Variants in CPNE8 observed in about 807,000 individuals in gnomAD.
CPNE8 encodes copine 8.
Under a neutral mutation model 81.5 loss-of-function variants are expected in CPNE8, and 45 were observed. The ratio of observed to expected loss-of-function variants is 0.55; its 90% CI spans 0.44 to 0.71. The LOEUF is 0.71. Among genes scored for constraint, CPNE8 ranks in the 30% least tolerant of loss-of-function variants. The pLI is 0.00. For synonymous variants in CPNE8, 252 were observed against 226.3 expected, an observed-to-expected ratio of 1.11 and a Z score of -1.02; for missense variants, 594 against 672.1, an observed-to-expected ratio of 0.88 and a Z score of 1.28.
intron 13 of CPNE8, among the ~76,000 whole-genome samples, chr12:38,716,680 A>T (rs1940401110): frequency 6.6e-6 from 1 of 152,092 alleles, no homozygotes; most frequent in Admixed American, 6.5e-5. Flanking sequence ...CCTGAACCAT[A>T]AGAATTCCAG....
chr12:38,897,664 ATATAT>A lies in CPNE8; in HGVS notation c.98+7768_98+7772del, dbSNP rs550483026. Among the ~76,000 whole-genome samples the A allele has an allele frequency of 2.4e-3, 362 of 150,822 alleles. 3 individuals carry two copies. The highest frequency in any genetic ancestry group is 8.5e-3 in the African/African-American group (350 of 41,256). ...TATATTACATATTGTATTATGTATT[ATATAT>A]TATATGTGTGTATATATTAATATAC... On this transcript the variant is annotated intron_variant, in intron 1 of 19. Transcript: ENST00000331366.
At chr12:38,672,072 A>T (rs553781001) in intron 18 of CPNE8, among the ~76,000 whole-genome samples, 1 of 152,258 alleles carries the variant, frequency 6.6e-6, no homozygotes, top group Non-Finnish European at 1.5e-5. Context: ...CAATTTTCAC[A>T]TTACTTTGGG....
chr12:38,686,754 G>A (rs1305588226), intron 15 of CPNE8, among the ~76,000 whole-genome samples: 1 of 152,190 alleles, frequency 6.6e-6, no homozygotes, highest in Non-Finnish European at 1.5e-5. Flanking sequence ...TTACATGGCT[G>A]TTGGCAGGAG....
Position 38,668,756 on chromosome 12 carries a change from A to T in CPNE8, c.1506+1973T>A, listed in dbSNP as rs181922207. Among the ~76,000 whole-genome samples, 9 of 152,270 alleles carry T rather than the reference A, an allele frequency of 5.9e-5. No individual in the cohort carries two copies. In the East Asian group the frequency reaches 1.7e-3, roughly 29 times the overall value. ...ATAATCATGTGTCTAATTATGAAAA[A>T]AACACATAATGGTCCGGGCACGGTG... is the stretch of plus-strand genomic sequence containing the variant. On this transcript the variant is annotated intron_variant, in intron 19 of 19. Coordinates refer to ENST00000331366, the MANE Select transcript of CPNE8 (RefSeq NM_153634.3).
chr12:38,694,255 A>G (rs57022911), intron 14 of CPNE8, among the ~76,000 whole-genome samples: 7,700 of 152,260 alleles, frequency 0.051, 447 homozygotes, highest in East Asian at 0.32. Flanking sequence ...ATAATTATGA[A>G]GGCTTCCTAT....
At chr12:38,740,030 G>C (rs1440982679) in intron 10 of CPNE8, among the ~76,000 whole-genome samples, 1 of 152,090 alleles carries the variant, frequency 6.6e-6, no homozygotes, top group Non-Finnish European at 1.5e-5. Context: ...TTGTCAATGT[G>C]TGAAGACTTA....
At chr12:38,693,525 A>T in intron 15 of CPNE8, 132 bp downstream of exon 15, 1 of 736,026 alleles carries the variant, frequency 1.4e-6, no homozygotes, top group Non-Finnish European at 2.1e-6. Context: ...CTCCAAAGTC[A>T]ATTACTTACC....
Position 38,787,807 on chromosome 12 carries a change from C to G in CPNE8, c.408-11506G>C, listed in dbSNP as rs186376953. Among the ~76,000 whole-genome samples, 364 of 151,590 alleles carry G rather than the reference C, an allele frequency of 2.4e-3. 2 individuals are homozygous for G. Among genetic ancestry groups the G allele is most frequent in the African/African-American group, 8.4e-3 (350 of 41,494 alleles). ...AATTCAAAGAATCATTAGCAGCTAA[C>G]ATAAGCACCTATATGCCAATAAGTT... On this transcript the variant is annotated intron_variant, in intron 6 of 19. Coordinates refer to ENST00000331366, the MANE Select transcript of CPNE8 (RefSeq NM_153634.3).
chr12:38,768,773 T>C (rs1344903549), intron 7 of CPNE8, among the ~76,000 whole-genome samples: 2 of 152,150 alleles, frequency 1.3e-5, no homozygotes, highest in Non-Finnish European at 1.5e-5. Context: ...GTGATCCGCC[T>C]GCCTCAGCCT....
At chr12:38,736,245 T>A (rs1940950699) in intron 10 of CPNE8, among the ~76,000 whole-genome samples, 1 of 151,124 alleles carries the variant, frequency 6.6e-6, no homozygotes, top group Admixed American at 6.6e-5. Flanking sequence ...TGTGTGTGTA[T>A]TACACTTCTA....
intron 3 of CPNE8, among the ~76,000 whole-genome samples, chr12:38,863,629 A>G (rs1943872885): frequency 6.6e-6 from 1 of 152,232 alleles, no homozygotes; most frequent in Non-Finnish European, 1.5e-5. Flanking sequence ...AGCTGGAAAC[A>G]TTATGGAAAT....
chr12:38,786,952 A>G (rs556432016), intron 6 of CPNE8, among the ~76,000 whole-genome samples: 1 of 152,322 alleles, frequency 6.6e-6, no homozygotes, highest in Non-Finnish European at 1.5e-5. Context: ...ATCCAGATAT[A>G]TAACACAAAT....
chr12:38,788,570 CA>C (rs1301188408), intron 6 of CPNE8, among the ~76,000 whole-genome samples: 2 of 151,836 alleles, frequency 1.3e-5, no homozygotes, highest in Non-Finnish European at 2.9e-5. Flanking sequence ...CTACTTTCAC[CA>C]CTGTTATTCA....
chr12:38,874,123 GA>G (rs958455786), intron 2 of CPNE8, among the ~76,000 whole-genome samples: 1 of 150,024 alleles, frequency 6.7e-6, no homozygotes, highest in African/African-American at 2.5e-5. Flanking sequence ...AAAAAAAAAA[GA>G]AAAAAAAGAA....
At chr12:38,887,488 G>A (rs999779694) in intron 1 of CPNE8, among the ~76,000 whole-genome samples, 2 of 152,022 alleles carry the variant, frequency 1.3e-5, no homozygotes, top group Non-Finnish European at 2.9e-5. Flanking sequence ...GAAAGTTGGG[G>A]TGATTTGTAC....
At chr12:38,834,885 T>G (rs1180003782) in intron 5 of CPNE8, among the ~76,000 whole-genome samples, 1 of 151,960 alleles carries the variant, frequency 6.6e-6, no homozygotes, top group African/African-American at 2.4e-5. Flanking sequence ...CCAAACTTTT[T>G]TTTTTTTTTT....
chr12:38,744,486 A>G (rs1167837413), intron 10 of CPNE8, among the ~76,000 whole-genome samples: 2 of 152,228 alleles, frequency 1.3e-5, no homozygotes, highest in African/African-American at 2.4e-5. Flanking sequence ...AATACTATAT[A>G]TGTTTGTCAA....
At chr12:38,851,251 A>G (rs1943642017) in intron 3 of CPNE8, among the ~76,000 whole-genome samples, 1 of 152,216 alleles carries the variant, frequency 6.6e-6, no homozygotes, top group African/African-American at 2.4e-5. Flanking sequence ...GCATGTCATC[A>G]GCTCTGAGAC....
At chr12:38,904,457 T>C (rs905670614) in intron 1 of CPNE8, among the ~76,000 whole-genome samples, 9 of 146,834 alleles carry the variant, frequency 6.1e-5, no homozygotes, top group African/African-American at 2.0e-4. Context: ...GGGTTGAAAG[T>C]CAGTTTTTTT....
Sources: allele counts gnomAD v4.1 joint callset (sites outside exome capture counted in the v4.1 genomes callset), GRCh38; gene constraint gnomAD v4.1.1; transcripts MANE v1.5; gene names NCBI Gene and HGNC (gene_info 2026-07-23, HGNC 2026-07-21).